NPFFR1: variants seen among roughly 807,000 people sequenced by gnomAD.
NPFFR1 encodes the protein G-protein coupled receptor 147.
A neutral mutation model predicts 12.7 loss-of-function variants in NPFFR1; 17 were observed. The ratio of observed to expected loss-of-function variants is 1.34; its 90% CI spans 0.92 to 2.01. The LOEUF is 2.01. NPFFR1 is among the 30% of genes most tolerant of loss of function. The probability of loss-of-function intolerance (pLI) is 0.00; values close to 1 mark genes in which losing one functional copy is unlikely to be tolerated. For synonymous variants in NPFFR1, 296 were observed against 264.5 expected (o/e 1.12, Z -1.16); for missense variants, 604 against 606.5 (o/e 1.00, Z 0.04).
intron 1 of NPFFR1, among the ~76,000 whole-genome samples, chr10:70,276,584 CTT>C (rs57759018): frequency 0.26 from 30,431 of 116,786 alleles, 3,512 homozygotes; most frequent in South Asian, 0.35. Context: ...ATGTTTGTAT[CTT>C]TTTTTTTTTT....
At chr10:70,266,680 C>T (rs1840695107) in intron 1 of NPFFR1, among the ~76,000 whole-genome samples, 1 of 152,214 alleles carries the variant, frequency 6.6e-6, no homozygotes, top group African/African-American at 2.4e-5. Flanking sequence ...TCTTGGCCCT[C>T]CTGTGTGCCC....
chr10:70,261,064 C>T (rs1459004155), intron 2 of NPFFR1, among the ~76,000 whole-genome samples: 1 of 152,104 alleles, frequency 6.6e-6, no homozygotes, highest in Non-Finnish European at 1.5e-5. Flanking sequence ...TCTGTATGTA[C>T]ATGGTGATAT....
At chr10:70,274,134 T>A (rs1564597118) in intron 1 of NPFFR1, among the ~76,000 whole-genome samples, 1 of 152,260 alleles carries the variant, frequency 6.6e-6, no homozygotes, top group East Asian at 1.9e-4. Flanking sequence ...GCTGGCCCCA[T>A]GGTGGTCACT....
Position 70,248,467 on chromosome 10 carries a change from G to GTTTTTGTTTTTT in NPFFR1, c.*6489_*6490insAAAAAACAAAAA, listed in dbSNP as rs1840473399. 6.7e-4 allele frequency: 65 copies of GTTTTTGTTTTTT among 96,736 alleles called. 5 individuals are homozygous for GTTTTTGTTTTTT. The highest frequency in any genetic ancestry group is 5.3e-4 in the African/African-American group (13 of 24,722). The allele number at this position is 96,736 out of a possible 1,614,324, so 6.0% of individuals were successfully genotyped here. A position where few individuals can be genotyped will look rare whatever the true frequency, so the allele number is the denominator to read the frequency against. ...CAAAGTACGTAGTACTATGCCTGGC[G>GTTTTTGTTTTTT]TTTTTTTTTTGTTTTTTGTTTTTTT... On this transcript the variant is annotated 3_prime_UTR_variant, in exon 4 of 4. Coordinates refer to ENST00000277942, the MANE Select transcript of NPFFR1 (RefSeq NM_022146.5).
At chr10:70,275,854 T>A (rs1840799204) in intron 1 of NPFFR1, among the ~76,000 whole-genome samples, 2 of 152,228 alleles carry the variant, frequency 1.3e-5, no homozygotes, top group Non-Finnish European at 2.9e-5. Context: ...AGGAGAATTA[T>A]CTTCATTTCA....
intron 1 of NPFFR1, among the ~76,000 whole-genome samples, chr10:70,266,667 C>T (rs1380853304): frequency 4.6e-5 from 7 of 152,214 alleles, no homozygotes; most frequent in Non-Finnish European, 8.8e-5. Context: ...TAGGTTCCAA[C>T]TTTCTTGGCC....
Position 70,247,873 on chromosome 10 carries a change from C to T in NPFFR1, c.*7084G>A, listed in dbSNP as rs776634370. 1 of 152,190 alleles carries T rather than the reference C, an allele frequency of 6.6e-6. No individual in the cohort carries two copies. Among genetic ancestry groups the T allele is most frequent in the African/African-American group, 2.4e-5 (1 of 41,434 alleles). The allele number at this position is 152,190 out of a possible 1,614,324, so 9.4% of individuals were successfully genotyped here. On this transcript the variant is annotated 3_prime_UTR_variant, in exon 4 of 4. Transcript: ENST00000277942. Reference sequence around the variant, plus strand: ...TTCAGTGACCACAGTGCAGGGGAGCCCGTGGCTGCTTTGAGGGCTTGATGT... The same window carrying T: ...TTCAGTGACCACAGTGCAGGGGAGCTCGTGGCTGCTTTGAGGGCTTGATGT...
In NPFFR1 at chr10:70,266,171, A is replaced by G. The variant is rs3812695; in HGVS notation, c.228T>C (p.Thr76=). Residue 76 remains threonine (T), a synonymous_variant, in exon 2 of 4, where the codon ACT becomes ACC. Transcript: ENST00000277942. ...FIVLKNRHMH[T]VTNMFILNLA... ...GGTTGAGGATGAACATGTTGGTGACAGTATGCATGTGCCGGTTCTTGAGCA... is the reference window on the plus strand; with the variant it reads ...GGTTGAGGATGAACATGTTGGTGACGGTATGCATGTGCCGGTTCTTGAGCA... 1.7e-4 allele frequency: 277 copies of G among 1,614,064 alleles called. 2 individuals carry two copies. In the East Asian group the frequency reaches 4.7e-3, roughly 28 times the overall value.
At chr10:70,270,746 T>C (rs774174377) in intron 1 of NPFFR1, among the ~76,000 whole-genome samples, 7 of 152,206 alleles carry the variant, frequency 4.6e-5, no homozygotes, top group Admixed American at 2.6e-4. Flanking sequence ...AGAGACCTCA[T>C]TGACACCTTG....
intron 1 of NPFFR1, 118 bp downstream of exon 1, chr10:70,283,552 C>G (rs1189458146): frequency 6.9e-6 from 7 of 1,013,190 alleles, no homozygotes; most frequent in African/African-American, 1.6e-5. Context: ...AGTGTCACAA[C>G]GTCTGGCTCT....
Position 70,266,411 on chromosome 10 carries a change from T to C in NPFFR1, c.8-20A>G, listed in dbSNP as rs1840691807. The C allele has an allele frequency of 1.3e-6, 2 of 1,591,094 alleles. No homozygotes were observed. The highest frequency in any genetic ancestry group is 2.3e-5 in the South Asian group (2 of 87,686). On this transcript the variant is annotated intron_variant, in intron 1 of 3. Transcript: ENST00000277942. Reference sequence around the variant, plus strand: ...GCTCCCCTAGGACCAAAGGAATATATTGGTCAGGACCTTAGGCAAAGAAGA... The same window carrying C: ...GCTCCCCTAGGACCAAAGGAATATACTGGTCAGGACCTTAGGCAAAGAAGA...
Position 70,248,466 on chromosome 10 carries a change from C to CATTTTTTT in NPFFR1, c.*6490_*6491insAAAAAAAT, listed in dbSNP as rs1840472501. On this transcript the variant is annotated 3_prime_UTR_variant, in exon 4 of 4. Coordinates refer to ENST00000277942, the MANE Select transcript of NPFFR1 (RefSeq NM_022146.5). ...ACAAAGTACGTAGTACTATGCCTGG[C>CATTTTTTT]GTTTTTTTTTTGTTTTTTGTTTTTT... 1 of 49,464 alleles carries CATTTTTTT rather than the reference C, an allele frequency of 2.0e-5. No individual in the cohort carries two copies. The highest frequency in any genetic ancestry group is 4.3e-5 in the Non-Finnish European group (1 of 23,450). 3.1% of individuals were successfully genotyped at this position (49,464 alleles called of 1,614,324 possible). A position where few individuals can be genotyped will look rare whatever the true frequency, so the allele number is the denominator to read the frequency against.
chr10:70,283,131 T>TG (rs200418073), intron 1 of NPFFR1, among the ~76,000 whole-genome samples: 251 of 72,990 alleles, frequency 3.4e-3, no homozygotes, highest in East Asian at 0.034. Flanking sequence ...ACTCTCTCTT[T>TG]TTGTGTGTGT....
At chr10:70,282,855 G>A (rs1333040617) in intron 1 of NPFFR1, among the ~76,000 whole-genome samples, 1 of 152,142 alleles carries the variant, frequency 6.6e-6, no homozygotes, top group Non-Finnish European at 1.5e-5. Context: ...TAAAGTGGGA[G>A]CAAGCAGCCT....
At chr10:70,272,339 C>T (rs1840759759) in intron 1 of NPFFR1, among the ~76,000 whole-genome samples, 1 of 152,124 alleles carries the variant, frequency 6.6e-6, no homozygotes, top group Admixed American at 6.5e-5. Context: ...GTTCACAGGC[C>T]TCCCACTGAT....
At position 70,266,280 on chromosome 10, in the gene NPFFR1, G is replaced by T; in HGVS notation, c.119C>A (p.Ser40Tyr). ...CACAATGAACATGGCCGCCACAGGG[G>T]AGGTGTGCTGATAGTAGGAGGAGAA... The part of the protein sequence containing the change: ...LTFSSYYQHT[S>Y]PVAAMFIVAY... Residue 40 changes from serine to tyrosine, a missense_variant, in exon 2 of 4, where the codon TCC becomes TAC. Coordinates refer to ENST00000277942, the MANE Select transcript of NPFFR1 (RefSeq NM_022146.5). The T allele has an allele frequency of 6.2e-7, 1 of 1,613,960 alleles. No individual in the cohort carries two copies. The highest frequency in any genetic ancestry group is 8.5e-7 in the Non-Finnish European group (1 of 1,179,862).
intron 3 of NPFFR1, among the ~76,000 whole-genome samples, chr10:70,257,662 A>G (rs1211227966): frequency 6.6e-6 from 1 of 152,228 alleles, no homozygotes; most frequent in South Asian, 2.1e-4. Context: ...GCTGAGGTGG[A>G]TTAGTAAAAG....
chr10:70,281,981 A>G (rs1840867401), intron 1 of NPFFR1, among the ~76,000 whole-genome samples: 1 of 152,222 alleles, frequency 6.6e-6, no homozygotes, highest in South Asian at 2.1e-4. Flanking sequence ...TAATCTTAGC[A>G]GTGTAGAGGC....
In NPFFR1 at chr10:70,255,751, C is replaced by G. The variant is rs756788740; in HGVS notation, c.499G>C (p.Ala167Pro). The G allele has an allele frequency of 6.2e-7, 1 of 1,611,630 alleles. No homozygotes were observed. The highest frequency in any genetic ancestry group is 8.5e-7 in the Non-Finnish European group (1 of 1,179,010). The change falls in exon 4 of 4, where the codon GCC becomes CCC. Residue 167 changes from alanine (A) to proline (P), a missense_variant. Transcript: ENST00000277942. This position sits in a 1 kb window ranked among gnomAD's most constrained non-coding sequence, Gnocchi z 4.2. ...GGACACATGATGAGCAGCGCCAGGG[C>G]CCAGATGACGGCGATGGTGACGAGC... ...KALVTIAVIW[A>P]LALLIMCPSA...
Sources: gnomAD v4.1 joint callset for allele counts (sites outside exome capture counted in the v4.1 genomes callset) on GRCh38, gnomAD v4.1.1 for gene constraint, Gnocchi (gnomAD v3.1) non-coding constraint, MANE v1.5 for transcripts, NCBI Gene and HGNC (gene_info 2026-07-23, HGNC 2026-07-21) for gene names.